Variants in SRSF3 observed in about 807,000 individuals in gnomAD.
SRSF3 encodes the protein serine and arginine rich splicing factor 3, also known as serine/arginine-rich splicing factor 3.
For synonymous variants in SRSF3, 87 were observed against 73.6 expected (o/e 1.18, Z -0.93); for missense variants, 58 against 217.1 (o/e 0.27, Z 4.61).
rs936659982 is a variant in SRSF3 at position 36,601,637 on chromosome 6, C to A, written c.381-71C>A. 160 of 1,403,714 alleles carry A rather than the reference C, an allele frequency of 1.1e-4. No homozygotes were observed. The African/African-American group carries it at 1.3e-3, about 12-fold the overall frequency. The allele number at this position is 1,403,714 out of a possible 1,614,324, so 87.0% of individuals were successfully genotyped here. A position where few individuals can be genotyped will look rare whatever the true frequency, so the allele number is the denominator to read the frequency against. On this transcript the variant is annotated intron_variant, in intron 4 of 5. Transcript: ENST00000373715. ...GGAATTATTGGCATGAGTCACCATG[C>A]CAGATCAAGAAAATATTTATGTATA... is the stretch of plus-strand genomic sequence containing the variant.
At chr6:36,597,088 A>C in intron 2 of SRSF3, 120 bp downstream of exon 2, 1 of 719,636 alleles carries the variant, frequency 1.4e-6, no homozygotes, top group Non-Finnish European at 2.2e-6. Flanking sequence ...CTTTAGATAC[A>C]ATTGGGATCT....
At chr6:36,597,557 T>G (rs1023817955) in intron 2 of SRSF3, among the ~76,000 whole-genome samples, 3 of 152,206 alleles carry the variant, frequency 2.0e-5, no homozygotes, top group Non-Finnish European at 4.4e-5. Context: ...GTGTTAATAG[T>G]GTCCTGTTAG....
At chr6:36,597,020 T>A in intron 2 of SRSF3, 52 bp downstream of exon 2, 1 of 1,561,102 alleles carries the variant, frequency 6.4e-7, no homozygotes, top group East Asian at 2.2e-5. Context: ...TTTTCATATT[T>A]AAAATCTACA....
chr6:36,603,509 A>C lies in SRSF3; in HGVS notation c.*1520A>C, dbSNP rs770350241. The C allele has an allele frequency of 1.3e-5, 3 of 225,858 alleles. No individual in the cohort carries two copies. Among genetic ancestry groups the C allele is most frequent in the Non-Finnish European group, 2.6e-5 (3 of 113,322 alleles). 14.0% of individuals were successfully genotyped at this position (225,858 alleles called of 1,614,324 possible). ...GTATTGACTGTCTTAAATATGAAAG[A>C]TAAGTCATTGCATTAAGAGTTCAAG... On this transcript the variant is annotated 3_prime_UTR_variant, in exon 6 of 6. Transcript: ENST00000373715.
Position 36,594,388 on chromosome 6 carries a change from TGA to T in SRSF3, c.-90_-89del, listed in dbSNP as rs566470812. ...CGCCATTTCGTGGACGCCGGGTGAGTGAGAGAGTTGGTTGGTGTTGGGCCGGA... is the reference window on the plus strand; with the variant it reads ...CGCCATTTCGTGGACGCCGGGTGAGTGAGAGTTGGTTGGTGTTGGGCCGGA... On this transcript the variant is annotated 5_prime_UTR_variant, in exon 1 of 6. Coordinates refer to ENST00000373715, the MANE Select transcript of SRSF3 (RefSeq NM_003017.5). The T allele has an allele frequency of 1.7e-4, 26 of 152,064 alleles. No homozygotes were observed. In the East Asian group the frequency reaches 4.5e-3, roughly 26 times the overall value. The allele number at this position is 152,064 out of a possible 1,614,324, so 9.4% of individuals were successfully genotyped here.
At chr6:36,594,533 C>G (rs1352607351) in intron 1 of SRSF3, 52 bp downstream of exon 1, 1 of 152,270 alleles carries the variant, frequency 6.6e-6, no homozygotes, top group Admixed American at 6.5e-5. Context: ...TTAACAGTAC[C>G]AAGGAGCCAG....
chr6:36,595,114 T>C (rs1043913720), intron 1 of SRSF3, among the ~76,000 whole-genome samples: 5 of 152,216 alleles, frequency 3.3e-5, no homozygotes, highest in Non-Finnish European at 7.3e-5. Context: ...AGGATGTGTC[T>C]GGACTGGATA....
At chr6:36,601,015 T>TTTTTTTTTTTTTTTTTTTTTTTTTTC (rs1562013465) in intron 3 of SRSF3, 137 bp from the exon 4 acceptor site, 2 of 316,020 alleles carry the variant, frequency 6.3e-6, no homozygotes, top group African/African-American at 4.8e-5. Flanking sequence ...TTTTTTTTTT[T>TTTTTTTTTTTTTTTTTTTTTTTTTTC]TTTTTTTTTT....
rs951893297 is a variant in SRSF3, at chr6:36,605,002, C to T, written c.*3013C>T. On this transcript the variant is annotated 3_prime_UTR_variant, in exon 6 of 6. Coordinates refer to ENST00000373715, the MANE Select transcript of SRSF3 (RefSeq NM_003017.5). ...GTTGCCTTCTGGTTTTCCATCTTTTCGAGAAAGATTTCTAGTTAAAGTTAC... is the reference window on the plus strand; with the variant it reads ...GTTGCCTTCTGGTTTTCCATCTTTTTGAGAAAGATTTCTAGTTAAAGTTAC... 6.6e-5 allele frequency: 10 copies of T among 152,148 alleles called. No homozygotes were observed. The highest frequency in any genetic ancestry group is 2.6e-4 in the Admixed American group (4 of 15,276). The allele number at this position is 152,148 out of a possible 1,614,324, so 9.4% of individuals were successfully genotyped here. A position where few individuals can be genotyped will look rare whatever the true frequency, so the allele number is the denominator to read the frequency against.
Position 36,595,704 on chromosome 6 carries a change from A to G in SRSF3, c.-2-1057A>G, listed in dbSNP as rs558859329. ...AATACTCATTTTATGTCTATACCACATTTTGCTTATCCGTTTCTGTTGATG... is the reference window on the plus strand; with the variant it reads ...AATACTCATTTTATGTCTATACCACGTTTTGCTTATCCGTTTCTGTTGATG... On this transcript the variant is annotated intron_variant, in intron 1 of 5. Coordinates refer to ENST00000373715, the MANE Select transcript of SRSF3 (RefSeq NM_003017.5). Among the ~76,000 whole-genome samples, 7 of 152,262 alleles carry G rather than the reference A, an allele frequency of 4.6e-5. No homozygotes were observed. The South Asian group carries it at 1.2e-3, about 27-fold the overall frequency.
intron 2 of SRSF3, 129 bp downstream of exon 2, chr6:36,597,097 C>CTTTTTTTTTTTTT: frequency 3.6e-6 from 1 of 278,700 alleles, no homozygotes; most frequent in Non-Finnish European, 6.3e-6. Flanking sequence ...CAATTGGGAT[C>CTTTTTTTTTTTTT]TTTTTTTTTT....
intron 1 of SRSF3, chr6:36,594,756 G>A (rs1268326275): frequency 6.6e-6 from 1 of 151,772 alleles, no homozygotes; most frequent in South Asian, 2.1e-4. Context: ...TGTATTCCAG[G>A]TCACGGCCTT....
rs1460518422 is a variant in SRSF3 at position 36,604,944 on chromosome 6, T to C, written c.*2955T>C. ...AGTTGTCATACCTAGTTGGTGGTAA[T>C]TTCTTAGTTGTATATTTTTGTACTA... is the stretch of plus-strand genomic sequence containing the variant. On this transcript the variant is annotated 3_prime_UTR_variant, in exon 6 of 6. Transcript: ENST00000373715. 6.6e-6 allele frequency: 1 copy of C among 152,200 alleles called. No homozygotes were observed. Among genetic ancestry groups the C allele is most frequent in the African/African-American group, 2.4e-5 (1 of 41,434 alleles). The allele number at this position is 152,200 out of a possible 1,614,324, so 9.4% of individuals were successfully genotyped here.
At chr6:36,598,602 T>TCGAA (rs1198970983) in intron 2 of SRSF3, 1 of 405,322 alleles carries the variant, frequency 2.5e-6, no homozygotes, top group Non-Finnish European at 4.5e-6. Context: ...CAAGATAGTG[T>TCGAA]CGAACTCTTG....
rs1284352362 is a variant in SRSF3 at position 36,596,745 on chromosome 6, G to C, written c.-2-16G>C. ...ATGTTTAGATGAATGAATATTTTTG[G>C]TATTTTTCATTACAGAAATGCATCG... On this transcript the variant is annotated splice_polypyrimidine_tract_variant and intron_variant, in intron 1 of 5. Transcript: ENST00000373715. The C allele has an allele frequency of 6.2e-7, 1 of 1,606,218 alleles. No homozygotes were observed. The highest frequency in any genetic ancestry group is 1.3e-5 in the African/African-American group (1 of 74,844).
chr6:36,597,101 T>C, intron 2 of SRSF3, 133 bp downstream of exon 2: 1 of 451,418 alleles, frequency 2.2e-6, no homozygotes, highest in Non-Finnish European at 3.6e-6. Context: ...TGGGATCTTT[T>C]TTTTTTTTTT....
rs559261065 is a variant in SRSF3, at chr6:36,598,633, C to T, written c.207-216C>T. ...TCTTGACCTTGTGATCCGCCTGCCTCGGCCTCATAAAGTGTTGGGATTACA... is the reference window on the plus strand; with the variant it reads ...TCTTGACCTTGTGATCCGCCTGCCTTGGCCTCATAAAGTGTTGGGATTACA... On this transcript the variant is annotated intron_variant, in intron 2 of 5. Transcript: ENST00000373715. The T allele has an allele frequency of 2.4e-5, 12 of 491,850 alleles. 1 individual carries two copies. The highest frequency in any genetic ancestry group is 1.4e-4 in the South Asian group (5 of 36,244). The allele number at this position is 491,850 out of a possible 1,614,324, so 30.5% of individuals were successfully genotyped here.
At chr6:36,601,001 C>CTTTTTTTGTTTTTTTTTTTTTTT (rs1778703254) in intron 3 of SRSF3, 151 bp from the exon 4 acceptor site, 1 of 86,206 alleles carries the variant, frequency 1.2e-5, no homozygotes, top group Non-Finnish European at 2.0e-5. Flanking sequence ...TCTTTTTTTT[C>CTTTTTTTGTTTTTTTTTTTTTTT]TTTTTTTTTT....
In SRSF3 at chr6:36,603,190, C is replaced by A; in HGVS notation, c.*1201C>A. ...AAACACAAAGTAAGTTGCCCATTAA[C>A]AAATGGCTTTTATCTTTAGCATGAA... On this transcript the variant is annotated 3_prime_UTR_variant, in exon 6 of 6. Transcript: ENST00000373715. The A allele has an allele frequency of 4.5e-6, 1 of 222,362 alleles. No individual in the cohort carries two copies. The highest frequency in any genetic ancestry group is 9.0e-6 in the Non-Finnish European group (1 of 111,076). 13.8% of individuals were successfully genotyped at this position (222,362 alleles called of 1,614,324 possible).
Sources: gnomAD v4.1 joint callset for allele counts (sites outside exome capture counted in the v4.1 genomes callset) on GRCh38, gnomAD v4.1.1 for gene constraint, MANE v1.5 for transcripts, NCBI Gene and HGNC (gene_info 2026-07-23, HGNC 2026-07-21) for gene names.